The following CDH18 variants were observed in gnomAD, a reference collection of about 807,000 sequenced individuals.
CDH18 encodes cadherin 18, also known as cadherin-18.
Under a neutral mutation model 67.9 loss-of-function variants are expected in CDH18, and 31 were observed. That is an observed-to-expected ratio of 0.46 (90% CI 0.34 to 0.62). The LOEUF (loss-of-function observed/expected upper bound fraction) is 0.62. CDH18 is among the 20% of genes least tolerant of loss of function. The pLI, the probability that CDH18 is intolerant of heterozygous loss-of-function variation, is 0.01. For missense variants in CDH18, 890 were observed against 975.5 expected, an observed-to-expected ratio of 0.91 and a Z score of 1.17; for synonymous variants, 362 against 347.2, an observed-to-expected ratio of 1.04 and a Z score of -0.48.
chr5:20,126,759 A>C (rs1331227429), intron 2 of CDH18, among the ~76,000 whole-genome samples: 1 of 152,182 alleles, frequency 6.6e-6, no homozygotes, highest in Non-Finnish European at 1.5e-5. Context: ...TCAAAATTAC[A>C]ATGAAGCATC....
At chr5:20,024,759 A>G (rs1180938339) in intron 2 of CDH18, among the ~76,000 whole-genome samples, 2 of 152,166 alleles carry the variant, frequency 1.3e-5, no homozygotes, top group East Asian at 3.9e-4. Context: ...TAACAAGGAG[A>G]TGAACCTAAG....
At chr5:20,260,418 G>GC (rs909127513) in intron 1 of CDH18, among the ~76,000 whole-genome samples, 92 of 152,018 alleles carry the variant, frequency 6.1e-4, no homozygotes, top group African/African-American at 2.1e-3. Context: ...TTACACTGAG[G>GC]CCTCTTATAT....
chr5:19,520,155 T>C lies in CDH18; in HGVS notation c.1512+502A>G, dbSNP rs540354252. On this transcript the variant is annotated intron_variant, in intron 10 of 12. Transcript: ENST00000382275. ...TAGATGCACATGACATCCAGCCTCT[T>C]GCCCCATGATCCAGATCCATCTTCA... Among the ~76,000 whole-genome samples, 10 of 152,222 alleles carry C rather than the reference T, an allele frequency of 6.6e-5. No individual in the cohort carries two copies. In the South Asian group the frequency reaches 2.1e-3, roughly 32 times the overall value.
chr5:19,598,105 C>G (rs1356665880), intron 6 of CDH18, among the ~76,000 whole-genome samples: 2 of 152,076 alleles, frequency 1.3e-5, no homozygotes, highest in Admixed American at 1.3e-4. Flanking sequence ...ATAAAAAAGG[C>G]CCTCTCTAGA....
chr5:20,367,543 A>C (rs1192650382), intron 1 of CDH18, among the ~76,000 whole-genome samples: 2 of 152,322 alleles, frequency 1.3e-5, no homozygotes, highest in East Asian at 3.9e-4. Flanking sequence ...TTTTCAGTAG[A>C]TAATTTTCTG....
chr5:20,045,576 CACAT>C (rs1390834486), intron 2 of CDH18, among the ~76,000 whole-genome samples: 1 of 148,594 alleles, frequency 6.7e-6, no homozygotes, highest in Non-Finnish European at 1.5e-5. Context: ...AAATAGAAAA[CACAT>C]ATATATATAT....
At chr5:20,282,503 T>C (rs1323854231) in intron 1 of CDH18, among the ~76,000 whole-genome samples, 1 of 152,210 alleles carries the variant, frequency 6.6e-6, no homozygotes, top group Non-Finnish European at 1.5e-5. Flanking sequence ...TCTGTTTATA[T>C]GCTGGATTAC....
intron 3 of CDH18, among the ~76,000 whole-genome samples, chr5:19,819,657 T>C (rs1265619182): frequency 1.3e-5 from 2 of 152,128 alleles, no homozygotes; most frequent in Non-Finnish European, 2.9e-5. Context: ...CAAGGGGAAC[T>C]TCCCAGAGAG....
intron 2 of CDH18, among the ~76,000 whole-genome samples, chr5:20,100,612 T>C (rs1746372864): frequency 6.6e-6 from 1 of 152,222 alleles, no homozygotes; most frequent in South Asian, 2.1e-4. Flanking sequence ...GCTTATGTGT[T>C]TGTGTCAGAA....
intron 2 of CDH18, among the ~76,000 whole-genome samples, chr5:20,234,648 C>T (rs1418703110): frequency 1.3e-5 from 2 of 152,110 alleles, no homozygotes; most frequent in Non-Finnish European, 2.9e-5. Context: ...GTTTAAGTCA[C>T]TCATTCTGCT....
intron 1 of CDH18, among the ~76,000 whole-genome samples, chr5:20,507,498 A>G (rs2126469780): frequency 6.6e-6 from 1 of 152,310 alleles, no homozygotes; most frequent in South Asian, 2.1e-4. Context: ...ATGGATATAG[A>G]TTTTCATGAG....
At chr5:19,831,377 G>A (rs905233789) in intron 3 of CDH18, among the ~76,000 whole-genome samples, 2 of 151,588 alleles carry the variant, frequency 1.3e-5, no homozygotes, top group Admixed American at 6.6e-5. Flanking sequence ...ATCCTACAAA[G>A]GTATAATATC....
At chr5:20,166,262 GA>G (rs974939836) in intron 2 of CDH18, among the ~76,000 whole-genome samples, 1 of 151,778 alleles carries the variant, frequency 6.6e-6, no homozygotes, top group African/African-American at 2.4e-5. Flanking sequence ...CCAACATGGT[GA>G]AACCCTGTCT....
chr5:20,093,420 G>T (rs1745618219), intron 2 of CDH18, among the ~76,000 whole-genome samples: 1 of 151,200 alleles, frequency 6.6e-6, no homozygotes, highest in Admixed American at 6.6e-5. Context: ...AATCTTGGAA[G>T]TATGCATAAA....
chr5:20,152,704 G>T (rs866656347), intron 2 of CDH18, among the ~76,000 whole-genome samples: 2 of 152,146 alleles, frequency 1.3e-5, no homozygotes, highest in African/African-American at 4.8e-5. Flanking sequence ...ATACAAGATG[G>T]TTCTAAAGGA....
At chr5:19,979,383 C>A (rs556789679) in intron 2 of CDH18, among the ~76,000 whole-genome samples, 21 of 152,108 alleles carry the variant, frequency 1.4e-4, no homozygotes, top group African/African-American at 5.1e-4. Context: ...CACCTCAGAC[C>A]TTCTGCTGAA....
intron 1 of CDH18, among the ~76,000 whole-genome samples, chr5:19,982,595 A>G (rs13190608): frequency 0.44 from 67,060 of 151,912 alleles, 16,604 homozygotes; most frequent in Middle Eastern, 0.64. Context: ...CACAAGTTGT[A>G]TATAAGGGAA....
intron 1 of CDH18, among the ~76,000 whole-genome samples, chr5:20,566,922 T>C (rs1434461015): frequency 1.3e-5 from 2 of 152,194 alleles, no homozygotes; most frequent in East Asian, 1.9e-4. Flanking sequence ...TTGCATACTA[T>C]AGATTACTTG....
intron 1 of CDH18, among the ~76,000 whole-genome samples, chr5:20,556,056 T>C (rs894134288): frequency 6.6e-6 from 1 of 152,184 alleles, no homozygotes; most frequent in African/African-American, 2.4e-5. Flanking sequence ...CACCCCACAT[T>C]GCAGTAAGTC....
Sources: gnomAD v4.1 joint callset for allele counts (sites outside exome capture counted in the v4.1 genomes callset) on GRCh38, gnomAD v4.1.1 for gene constraint, MANE v1.5 for transcripts, NCBI Gene and HGNC (gene_info 2026-07-23, HGNC 2026-07-21) for gene names.